USP36: variants seen among roughly 807,000 people sequenced by gnomAD.
USP36 encodes the protein ubiquitin carboxyl-terminal hydrolase 36.
USP36 carries 59 observed loss-of-function variants against 111.5 expected under a neutral mutation model. The observed-to-expected ratio is 0.53, with a 90% CI of 0.43 to 0.66. USP36 has a LOEUF of 0.66. Among genes scored for constraint, USP36 ranks in the 30% least tolerant of loss-of-function variants. USP36 has a pLI of 0.00. For synonymous variants in USP36, 628 were observed against 581.0 expected, an observed-to-expected ratio of 1.08 and a Z score of -1.16; for missense variants, 1,488 against 1,468.0, an observed-to-expected ratio of 1.01 and a Z score of -0.22.
rs2093565925 is a variant in USP36, at chr17:78,789,626, T to C, written c.*21-1968A>G. 3.3e-5 allele frequency among the ~76,000 whole-genome samples: 5 copies of C among 152,206 alleles called. No individual in the cohort carries two copies. The South Asian group carries it at 1.0e-3, about 31-fold the overall frequency. The stretch of plus-strand genomic sequence containing the variant: ...TGAAAACCCCCAGATTTTATTTTGC[T>C]AAAGCTTGCAATTTCTTCTGTGTGT... On this transcript the variant is annotated intron_variant, in intron 3 of 3. Transcript: ENST00000588130.
chr17:78,831,998 G>A (rs1350295450), intron 4 of USP36, among the ~76,000 whole-genome samples: 1 of 148,652 alleles, frequency 6.7e-6, no homozygotes, highest in Non-Finnish European at 1.5e-5. Context: ...ACTCTTAACA[G>A]GGTAAATAAC....
intron 15 of USP36, among the ~76,000 whole-genome samples, chr17:78,805,070 C>T (rs1255360059): frequency 1.3e-5 from 2 of 152,136 alleles, no homozygotes; most frequent in Non-Finnish European, 2.9e-5. Flanking sequence ...AGTGAGGCTC[C>T]CTCTTGCCAG....
At chr17:78,810,000 C>A (rs1374861501) in intron 13 of USP36, among the ~76,000 whole-genome samples, 1 of 152,024 alleles carries the variant, frequency 6.6e-6, no homozygotes, top group Non-Finnish European at 1.5e-5. Flanking sequence ...GCGCACGCCA[C>A]CATGCCCAGC....
intron 3 of USP36, among the ~76,000 whole-genome samples, chr17:78,789,424 A>G (rs1354316630): frequency 2.0e-5 from 3 of 152,030 alleles, no homozygotes; most frequent in Non-Finnish European, 4.4e-5. Context: ...AAAAGTGAAT[A>G]AATAGAAGAC....
At position 78,806,075 on chromosome 17, in the gene USP36, C is replaced by T. The variant is rs985030542; in HGVS notation, c.2216+81G>A. The T allele has an allele frequency of 6.1e-5, 97 of 1,598,040 alleles. 1 individual carries two copies. Among genetic ancestry groups the T allele is most frequent in the African/African-American group, 1.9e-4 (14 of 73,920 alleles). On this transcript the variant is annotated intron_variant, in intron 15 of 20. Transcript: ENST00000449938. ...TGTCTGTCCTGTGAGGTTGGCGATT[C>T]GTCCAACTCCTCACCAGCCAAGCAC...
intron 4 of USP36, among the ~76,000 whole-genome samples, chr17:78,832,551 G>A (rs891870883): frequency 6.6e-6 from 1 of 152,234 alleles, no homozygotes. Flanking sequence ...CTGCTGACAT[G>A]CTGCAACAAA....
chr17:78,816,175 T>TTA (rs1555632517), intron 10 of USP36, among the ~76,000 whole-genome samples: 1 of 151,524 alleles, frequency 6.6e-6, no homozygotes, highest in Admixed American at 6.6e-5. Flanking sequence ...TTTTTTTTTT[T>TTA]AAGAAACACA....
chr17:78,827,350 A>G lies in USP36; in HGVS notation c.587-3T>C. On this transcript the variant is annotated splice_region_variant and splice_polypyrimidine_tract_variant and intron_variant, in intron 5 of 20. Coordinates refer to ENST00000449938, the MANE Select transcript of USP36 (RefSeq NM_001385174.1). Reference sequence around the variant, plus strand: ...AAAGCGGAAGTGTCGGGCGATCTCTAAAAGAGGAAGAAACAGGGAGGGAAG... The same window carrying G: ...AAAGCGGAAGTGTCGGGCGATCTCTGAAAGAGGAAGAAACAGGGAGGGAAG... 1.9e-6 allele frequency: 3 copies of G among 1,608,154 alleles called. No homozygotes were observed. Among genetic ancestry groups the G allele is most frequent in the Non-Finnish European group, 1.7e-6 (2 of 1,175,666 alleles).
Position 78,813,813 on chromosome 17 carries a change from C to A in USP36, c.1225G>T (p.Val409Leu), listed in dbSNP as rs555548664. Residue 409 changes from valine (V) to leucine (L), a missense_variant, in exon 12 of 21, where the codon GTG (valine) becomes TTG (leucine). This residue lies in a region of USP36 where 1,073 missense variants were observed against 994.1 expected (regional missense o/e 1.08). Transcript: ENST00000449938. ...DSLVHSSNVK[V>L]VLNQQAYVLF... Reference sequence around the variant, plus strand: ...ACGTAGGCCTGCTGGTTCAGAACCACCTTGACGTTGCTGGAATGGACCAAG... The same window carrying A: ...ACGTAGGCCTGCTGGTTCAGAACCAACTTGACGTTGCTGGAATGGACCAAG... 42 of 1,614,142 alleles carry A rather than the reference C, an allele frequency of 2.6e-5. No individual in the cohort carries two copies. In the South Asian group the frequency reaches 4.3e-4, roughly 16 times the overall value.
intron 2 of USP36, 21 bp from the exon 3 acceptor site, chr17:78,836,393 A>G: frequency 6.2e-7 from 1 of 1,607,306 alleles, no homozygotes; most frequent in South Asian, 1.1e-5. Context: ...AAGAAGAAAC[A>G]TAGAGCCATA....
chr17:78,826,793 T>TA, intron 6 of USP36: 1 of 343,344 alleles, frequency 2.9e-6, no homozygotes, highest in Non-Finnish European at 5.4e-6. Context: ...CTCCTCATGT[T>TA]AAAGCTCCCT....
chr17:78,810,604 C>T (rs1415422067), intron 13 of USP36, among the ~76,000 whole-genome samples: 1 of 152,198 alleles, frequency 6.6e-6, no homozygotes, highest in Non-Finnish European at 1.5e-5. Context: ...ACTTCCTAGT[C>T]TGGGCTACAG....
chr17:78,829,888 G>C (rs911808260), intron 4 of USP36, among the ~76,000 whole-genome samples: 1 of 152,134 alleles, frequency 6.6e-6, no homozygotes, highest in Non-Finnish European at 1.5e-5. Context: ...CTACAGGCTC[G>C]TGCCACCATG....
Position 78,807,047 on chromosome 17 carries a change from T to C in USP36, c.1997A>G (p.Lys666Arg), listed in dbSNP as rs780519181. The C allele has an allele frequency of 1.2e-6, 2 of 1,614,236 alleles. No homozygotes were observed. Among genetic ancestry groups the C allele is most frequent in the Admixed American group, 1.7e-5 (1 of 60,032 alleles). The change falls in exon 14 of 21, where the codon AAG (lysine) becomes AGG (arginine). Residue 666 changes from lysine to arginine, a missense_variant. Physicochemically the swap from Lys to Arg is conservative, Grantham distance 26. Transcript: ENST00000449938. ...GGTGGTGTTGCTCAGGACAGGGGAC[T>C]TCAGCTTCACCGTCTTAGAATCTGC... is the stretch of plus-strand genomic sequence containing the variant. ...SGADSKTVKL[K>R]SPVLSNTTTE...
chr17:78,833,629 G>C (rs765001673), intron 4 of USP36, among the ~76,000 whole-genome samples: 12 of 152,180 alleles, frequency 7.9e-5, no homozygotes, highest in Non-Finnish European at 1.6e-4. Context: ...AAACCCTACA[G>C]GCCAGGCTCC....
At chr17:78,788,218 G>A (rs1316052535) in intron 3 of USP36, among the ~76,000 whole-genome samples, 1 of 151,948 alleles carries the variant, frequency 6.6e-6, no homozygotes, top group East Asian at 1.9e-4. Flanking sequence ...AGGCTGGAGC[G>A]CAGTGGTGCA....
Position 78,836,121 on chromosome 17 carries a change from G to A in USP36, c.243C>T (p.Ala81=). The stretch of plus-strand genomic sequence containing the variant: ...ACTGCACATCTGTACCCTGTCTCCT[G>A]GCCGGTGGGTCATCTCCACTCTTGT... The part of the protein sequence containing the change: ...SRHKSGDDPP[A]RRQGSEHTYE... Residue 81 remains alanine, a synonymous_variant, in exon 3 of 21, where the codon GCC becomes GCT. Coordinates refer to ENST00000449938, the MANE Select transcript of USP36 (RefSeq NM_001385174.1). The A allele has an allele frequency of 6.2e-7, 1 of 1,613,404 alleles. No homozygotes were observed. The highest frequency in any genetic ancestry group is 8.5e-7 in the Non-Finnish European group (1 of 1,180,042).
rs1340127209 is a variant in USP36 at position 78,796,826 on chromosome 17, C to T, written c.*1074G>A. 1 of 152,270 alleles carries T rather than the reference C, an allele frequency of 6.6e-6. No individual in the cohort carries two copies. The highest frequency in any genetic ancestry group is 1.5e-5 in the Non-Finnish European group (1 of 68,032). 9.4% of individuals were successfully genotyped at this position (152,270 alleles called of 1,614,324 possible). A position where few individuals can be genotyped will look rare whatever the true frequency, so the allele number is the denominator to read the frequency against. ...CCCGATGAGGAAGGATGTTCACGGTCACCTTCACACTTCCCACTACTATGA... is the reference window on the plus strand; with the variant it reads ...CCCGATGAGGAAGGATGTTCACGGTTACCTTCACACTTCCCACTACTATGA... On this transcript the variant is annotated 3_prime_UTR_variant, in exon 21 of 21. Coordinates refer to ENST00000449938, the MANE Select transcript of USP36 (RefSeq NM_001385174.1).
chr17:78,807,802 G>C (rs2093948874), intron 13 of USP36, among the ~76,000 whole-genome samples, 166 bp from the exon 14 acceptor site: 1 of 152,138 alleles, frequency 6.6e-6, no homozygotes, highest in South Asian at 2.1e-4. Flanking sequence ...TGGCTTCTCT[G>C]AACAATTCTG....
Sources: gnomAD v4.1 joint callset for allele counts (sites outside exome capture counted in the v4.1 genomes callset) on GRCh38, gnomAD v4.1.1 for gene constraint, gnomAD v4.1.1 regional missense constraint, MANE v1.5 for transcripts, NCBI Gene and HGNC (gene_info 2026-07-23, HGNC 2026-07-21) for gene names.